The following CSMD1 variants were observed in gnomAD, a reference collection of about 807,000 sequenced individuals.
CSMD1 encodes CUB and sushi domain-containing protein 1.
CSMD1 carries 213 observed loss-of-function variants against 417.5 expected under a neutral mutation model. The observed-to-expected ratio is 0.51, with a 90% CI of 0.46 to 0.57. The LOEUF (loss-of-function observed/expected upper bound fraction) is 0.57, where lower values mean the gene tolerates loss of function less well. Ranked by LOEUF, CSMD1 falls within the 20% of genes least tolerant of loss-of-function variation. The pLI, the probability that CSMD1 is intolerant of heterozygous loss-of-function variation, is 0.00. For missense variants in CSMD1, 6,923 were observed against 4,529.7 expected, an observed-to-expected ratio of 1.53 and a Z score of -15.17; for synonymous variants, 2,862 against 1,736.8, an observed-to-expected ratio of 1.65 and a Z score of -16.11.
intron 5 of CSMD1, among the ~76,000 whole-genome samples, chr8:3,870,371 T>C (rs978882813): frequency 6.6e-6 from 1 of 152,228 alleles, no homozygotes; most frequent in Admixed American, 6.5e-5. Context: ...CAGTGCCTTA[T>C]GGATACCTCT....
intron 3 of CSMD1, among the ~76,000 whole-genome samples, chr8:4,137,316 C>T (rs1427771336): frequency 1.3e-5 from 2 of 152,148 alleles, no homozygotes; most frequent in Non-Finnish European, 2.9e-5. Flanking sequence ...CAGTGGCACT[C>T]AGGCTAACCT....
intron 23 of CSMD1, among the ~76,000 whole-genome samples, chr8:3,339,107 T>A (rs962259645): frequency 1.3e-5 from 2 of 151,630 alleles, no homozygotes; most frequent in Non-Finnish European, 2.9e-5. Flanking sequence ...GTTCTTGCGA[T>A]AGTTTACTGA....
chr8:3,670,477 T>A (rs1798932427), intron 7 of CSMD1, among the ~76,000 whole-genome samples: 2 of 147,686 alleles, frequency 1.4e-5, no homozygotes, highest in African/African-American at 5.0e-5. Context: ...GTATCCCATA[T>A]ATATATATCC....
At chr8:3,220,662 C>G (rs1042644958) in intron 28 of CSMD1, among the ~76,000 whole-genome samples, 4 of 152,184 alleles carry the variant, frequency 2.6e-5, no homozygotes, top group African/African-American at 4.8e-5. Context: ...GAAACCCTCT[C>G]TCTACTAAAA....
chr8:3,041,901 A>G (rs369344807), intron 50 of CSMD1, among the ~76,000 whole-genome samples: 43 of 152,318 alleles, frequency 2.8e-4, no homozygotes, highest in African/African-American at 9.9e-4. Context: ...CGTTATGCTC[A>G]TTTCTAAAAT....
intron 3 of CSMD1, among the ~76,000 whole-genome samples, chr8:4,303,380 A>T (rs1004697549): frequency 6.7e-6 from 1 of 148,570 alleles, no homozygotes; most frequent in Non-Finnish European, 1.5e-5. Context: ...TAATTTATTA[A>T]TTTTTTATTC....
intron 5 of CSMD1, among the ~76,000 whole-genome samples, chr8:3,909,451 C>T (rs1347130334): frequency 6.6e-5 from 10 of 152,094 alleles, no homozygotes; most frequent in Non-Finnish European, 1.0e-4. Flanking sequence ...GCAGAACACA[C>T]GGCGTGCTCC....
At chr8:4,540,988 C>T (rs991084456) in intron 2 of CSMD1, among the ~76,000 whole-genome samples, 2 of 152,288 alleles carry the variant, frequency 1.3e-5, no homozygotes, top group South Asian at 4.1e-4. Flanking sequence ...GGGTCTGAAA[C>T]ATGAAAAGCT....
At chr8:4,625,978 T>A in intron 2 of CSMD1, among the ~76,000 whole-genome samples, 1 of 152,076 alleles carries the variant, frequency 6.6e-6, no homozygotes, top group Non-Finnish European at 1.5e-5. Context: ...CCCGCCTTGG[T>A]CTCCCAAAGT....
At chr8:3,348,539 A>G (rs1302057342) in intron 21 of CSMD1, among the ~76,000 whole-genome samples, 1 of 152,118 alleles carries the variant, frequency 6.6e-6, no homozygotes, top group Non-Finnish European at 1.5e-5. Flanking sequence ...TGTCCCCACC[A>G]GTTCCCACGC....
chr8:4,409,345 C>T (rs1349583949), intron 3 of CSMD1, among the ~76,000 whole-genome samples: 3 of 152,262 alleles, frequency 2.0e-5, no homozygotes, highest in Non-Finnish European at 1.5e-5. Context: ...CATTCTCTCA[C>T]ATCTTCTCCT....
chr8:3,542,187 C>A (rs1279503861), intron 10 of CSMD1, among the ~76,000 whole-genome samples: 1 of 152,078 alleles, frequency 6.6e-6, no homozygotes, highest in East Asian at 1.9e-4. Context: ...AAGAGTCTTG[C>A]TTGACCTTAA....
intron 2 of CSMD1, among the ~76,000 whole-genome samples, chr8:4,636,733 G>A (rs1053415464): frequency 1.3e-5 from 2 of 152,138 alleles, no homozygotes; most frequent in Non-Finnish European, 2.9e-5. Flanking sequence ...GAAAAAGTAT[G>A]CACAATTTGC....
intron 3 of CSMD1, among the ~76,000 whole-genome samples, chr8:4,123,890 C>G (rs1014619427): frequency 6.6e-6 from 1 of 152,062 alleles, no homozygotes; most frequent in African/African-American, 2.4e-5. Flanking sequence ...GTATGTGATT[C>G]CTGAAATCAG....
chr8:4,339,137 C>A (rs1335739911), intron 3 of CSMD1, among the ~76,000 whole-genome samples: 2 of 152,088 alleles, frequency 1.3e-5, no homozygotes, highest in African/African-American at 4.8e-5. Context: ...ATTCCAACTA[C>A]AAATGCTATC....
At chr8:4,847,744 G>C (rs1332417976) in intron 1 of CSMD1, among the ~76,000 whole-genome samples, 1 of 149,676 alleles carries the variant, frequency 6.7e-6, no homozygotes, top group Non-Finnish European at 1.5e-5. Flanking sequence ...AGGACCGTTG[G>C]TCAGGTCTTC....
chr8:4,032,104 T>G lies in CSMD1; in HGVS notation c.416-5A>C, dbSNP rs892045953. 2.5e-6 allele frequency: 4 copies of G among 1,590,960 alleles called. No homozygotes were observed. The highest frequency in any genetic ancestry group is 3.4e-6 in the Non-Finnish European group (4 of 1,164,322). ...CACAAGTGTGGCTAGGTAAAACTAT[T>G]GGAAAAAGAAAAGAAAGGAGAAAAA... is the stretch of plus-strand genomic sequence containing the variant. On this transcript the variant is annotated splice_polypyrimidine_tract_variant and splice_region_variant and intron_variant, in intron 3 of 69. Coordinates refer to ENST00000635120, the MANE Select transcript of CSMD1 (RefSeq NM_033225.6).
intron 49 of CSMD1, among the ~76,000 whole-genome samples, chr8:3,070,123 A>G (rs1187521309): frequency 6.6e-6 from 1 of 152,192 alleles, no homozygotes; most frequent in Non-Finnish European, 1.5e-5. Flanking sequence ...CTGGCCCACA[A>G]AATCATCTTC....
At chr8:3,338,224 T>A (rs1200504565) in intron 23 of CSMD1, among the ~76,000 whole-genome samples, 1 of 152,170 alleles carries the variant, frequency 6.6e-6, no homozygotes, top group Non-Finnish European at 1.5e-5. Context: ...CTGTCTCATC[T>A]CCATGTCCAG....
Sources: allele counts gnomAD v4.1 joint callset (sites outside exome capture counted in the v4.1 genomes callset), GRCh38; gene constraint gnomAD v4.1.1; transcripts MANE v1.5; gene names NCBI Gene and HGNC (gene_info 2026-07-23, HGNC 2026-07-21).